QSOX2: variants seen among roughly 807,000 people sequenced by gnomAD.
QSOX2 encodes the protein quiescin sulfhydryl oxidase 2, also known as sulfhydryl oxidase 2.
Under a neutral mutation model 61.7 loss-of-function variants are expected in QSOX2, and 46 were observed. The observed-to-expected ratio is 0.75, with a 90% CI of 0.59 to 0.95. The LOEUF is 0.95. Among genes scored for constraint, QSOX2 ranks in the 40% least tolerant of loss-of-function variants. The pLI, the probability that QSOX2 is intolerant of heterozygous loss-of-function variation, is 0.00. For missense variants in QSOX2, 879 were observed against 918.9 expected, an observed-to-expected ratio of 0.96 and a Z score of 0.56; for synonymous variants, 383 against 388.4, an observed-to-expected ratio of 0.99 and a Z score of 0.16.
At position 136,220,844 on chromosome 9, in the gene QSOX2, G is replaced by A. The variant is rs185804122; in HGVS notation, c.821+952C>T. 9.4e-4 allele frequency among the ~76,000 whole-genome samples: 143 copies of A among 152,198 alleles called. 2 individuals carry two copies. In the East Asian group the frequency reaches 0.014, roughly 15 times the overall value. On this transcript the variant is annotated intron_variant, in intron 6 of 11. Transcript: ENST00000358701. ...TCCCACCTCAGCCTCCTGAGTAGCT[G>A]GGACTACAGTGGCACACCACCAGAC...
chr9:136,211,183 G>T, intron 11 of QSOX2, 81 bp downstream of exon 11: 1 of 1,454,776 alleles, frequency 6.9e-7, no homozygotes, highest in Non-Finnish European at 9.4e-7. Flanking sequence ...AAGCCCCACG[G>T]CAGCCGTGCC....
rs915403486 is a variant in QSOX2, at chr9:136,222,494, T to C, written c.676-553A>G. On this transcript the variant is annotated intron_variant, in intron 5 of 11. Transcript: ENST00000358701. The surrounding 1 kb of genome is among the most constrained non-coding windows in gnomAD (Gnocchi z 6.9). The stretch of plus-strand genomic sequence containing the variant: ...GCCACCACCACATCGGGCGTACGTC[T>C]TTCCTTCTCTTAACAGAGGAACAAA... 6.6e-6 allele frequency among the ~76,000 whole-genome samples: 1 copy of C among 152,180 alleles called. No individual in the cohort carries two copies. Among genetic ancestry groups the C allele is most frequent in the African/African-American group, 2.4e-5 (1 of 41,446 alleles).
At chr9:136,245,258 T>C (rs1215339400) in intron 1 of QSOX2, among the ~76,000 whole-genome samples, 1 of 152,080 alleles carries the variant, frequency 6.6e-6, no homozygotes, top group African/African-American at 2.4e-5. Context: ...GGGGATTAAC[T>C]GGGAGAGACA....
chr9:136,209,673 C>A lies in QSOX2; in HGVS notation c.1550-398G>T. The A allele has an allele frequency of 1.0e-6, 1 of 985,142 alleles. No homozygotes were observed. Among genetic ancestry groups the A allele is most frequent in the Non-Finnish European group, 1.2e-6 (1 of 829,818 alleles). The allele number at this position is 985,142 out of a possible 1,614,324, so 61.0% of individuals were successfully genotyped here. ...TGTGTGCCCCTCCCCCCACTGCTGC[C>A]CCTCTGCCCTTTCCTGAGGGTGCAC... On this transcript the variant is annotated intron_variant, in intron 11 of 11. Transcript: ENST00000358701. This position sits in a 1 kb window ranked among gnomAD's most constrained non-coding sequence, Gnocchi z 5.6.
At chr9:136,230,552 C>G (rs1830320761) in intron 1 of QSOX2, among the ~76,000 whole-genome samples, 1 of 152,240 alleles carries the variant, frequency 6.6e-6, no homozygotes, top group South Asian at 2.1e-4. Flanking sequence ...AGCCTCAGTA[C>G]TCGGCCTCCG....
chr9:136,223,389 TGA>T lies in QSOX2; in HGVS notation c.675+372_675+373del, dbSNP rs980168571. The stretch of plus-strand genomic sequence containing the variant: ...AGAATCTTGGATTTGGCAAAAATGT[TGA>T]GAGTTCAGAATACGGCAACGAAAAA... On this transcript the variant is annotated intron_variant, in intron 5 of 11. Coordinates refer to ENST00000358701, the MANE Select transcript of QSOX2 (RefSeq NM_181701.4). The surrounding 1 kb of genome is among the most constrained non-coding windows in gnomAD (Gnocchi z 4.4). 1.3e-5 allele frequency among the ~76,000 whole-genome samples: 2 copies of T among 152,108 alleles called. No individual in the cohort carries two copies. The highest frequency in any genetic ancestry group is 4.8e-5 in the African/African-American group (2 of 41,404).
chr9:136,224,544 C>T (rs960516422), intron 3 of QSOX2, among the ~76,000 whole-genome samples: 2 of 152,154 alleles, frequency 1.3e-5, no homozygotes, highest in Admixed American at 6.5e-5. Flanking sequence ...GGGCGATGCT[C>T]GGCTGGGTGG....
At chr9:136,239,484 A>T (rs1343444494) in intron 1 of QSOX2, among the ~76,000 whole-genome samples, 1 of 152,074 alleles carries the variant, frequency 6.6e-6, no homozygotes, top group African/African-American at 2.4e-5. Context: ...ACTCCCTCTA[A>T]AGCACAGGCT....
chr9:136,237,648 T>C (rs1396672241), intron 1 of QSOX2, among the ~76,000 whole-genome samples: 102 of 57,434 alleles, frequency 1.8e-3, no homozygotes, highest in Non-Finnish European at 2.1e-3. Flanking sequence ...TCCTGTGCCA[T>C]ACCTGGAGCC....
In QSOX2 at chr9:136,223,842, A is replaced by T; in HGVS notation, c.596T>A (p.Val199Asp). The T allele has an allele frequency of 6.2e-7, 1 of 1,614,086 alleles. No homozygotes were observed. The highest frequency in any genetic ancestry group is 8.5e-7 in the Non-Finnish European group (1 of 1,180,008). ...PRLDPIQPSD[V>D]LSLLDNRGSH... ...GCCACGGTTGTCAAGAAGGGAAAGAACATCACTGGGCCTTTCAAGAGGAAA... is the reference window on the plus strand; with the variant it reads ...GCCACGGTTGTCAAGAAGGGAAAGATCATCACTGGGCCTTTCAAGAGGAAA... The change falls in exon 5 of 12, where the codon GTT (valine) becomes GAT (aspartate). Residue 199 changes from valine (V) to aspartate (D), a missense_variant. Physicochemically the swap from Val to Asp is radical, Grantham distance 152. Transcript: ENST00000358701. The surrounding 1 kb of genome is among the most constrained non-coding windows in gnomAD (Gnocchi z 4.4).
At chr9:136,224,150 G>A in intron 3 of QSOX2, 38 bp from the exon 4 acceptor site, 2 of 1,537,122 alleles carry the variant, frequency 1.3e-6, no homozygotes, top group Non-Finnish European at 1.8e-6. Flanking sequence ...TGTGTGTGCG[G>A]CTGTCCTCGT....
In QSOX2 at chr9:136,208,372, GGAGGAA is replaced by G. The variant is rs901434173; in HGVS notation, c.*350_*355del. On this transcript the variant is annotated 3_prime_UTR_variant, in exon 12 of 12. Coordinates refer to ENST00000358701, the MANE Select transcript of QSOX2 (RefSeq NM_181701.4). ...AAGGCCCTGCAGGATGGGGCGGAGT[GGAGGAA>G]ACGAGATGAAAGTGTGTGGGGAAGA... The G allele has an allele frequency of 4.6e-5, 8 of 173,032 alleles. No homozygotes were observed. Among genetic ancestry groups the G allele is most frequent in the Admixed American group, 2.6e-4 (4 of 15,642 alleles). The allele number at this position is 173,032 out of a possible 1,614,324, so 10.7% of individuals were successfully genotyped here. A position where few individuals can be genotyped will look rare whatever the true frequency, so the allele number is the denominator to read the frequency against.
rs1830465150 is a variant in QSOX2 at position 136,245,485 on chromosome 9, C to A, written c.319G>T (p.Asp107Tyr). The A allele has an allele frequency of 1.3e-6, 2 of 1,591,960 alleles. No homozygotes were observed. The highest frequency in any genetic ancestry group is 4.5e-5 in the East Asian group (2 of 44,088). ...YAPTWRALAG[D>Y]VRDWASAIRV... ...CGGGGGCGCGCCTCACCTCGCACATCCCCAGCCAGGGCCCGCCAAGTGGGC... is the reference window on the plus strand; with the variant it reads ...CGGGGGCGCGCCTCACCTCGCACATACCCAGCCAGGGCCCGCCAAGTGGGC... The change falls in exon 1 of 12, where the codon GAT becomes TAT. Residue 107 changes from aspartate to tyrosine, a missense_variant. Transcript: ENST00000358701.
Position 136,224,127 on chromosome 9 carries a change from C to A in QSOX2, c.479-15G>T, listed in dbSNP as rs760009816. 1.6e-5 allele frequency: 25 copies of A among 1,605,190 alleles called. No individual in the cohort carries two copies. Among genetic ancestry groups the A allele is most frequent in the Non-Finnish European group, 2.0e-5 (24 of 1,172,902 alleles). On this transcript the variant is annotated splice_polypyrimidine_tract_variant and intron_variant, in intron 3 of 11. Coordinates refer to ENST00000358701, the MANE Select transcript of QSOX2 (RefSeq NM_181701.4). ...TCGGTCAGGTCCTGCCGGAAGCACA[C>A]CAGGGTCAGAGCTGTGTGTGCGGCT...
Position 136,223,952 on chromosome 9 carries a change from T to C in QSOX2, c.584+55A>G. The C allele has an allele frequency of 1.3e-6, 2 of 1,579,986 alleles. No homozygotes were observed. Among genetic ancestry groups the C allele is most frequent in the Admixed American group, 3.3e-5 (2 of 59,760 alleles). On this transcript the variant is annotated intron_variant, in intron 4 of 11. Coordinates refer to ENST00000358701, the MANE Select transcript of QSOX2 (RefSeq NM_181701.4). This position sits in a 1 kb window ranked among gnomAD's most constrained non-coding sequence, Gnocchi z 4.4. ...ATCACTTAATAGAAACCTATTACGT[T>C]TCTTGCACAGTTCAACACGAGTCTA...
intron 1 of QSOX2, among the ~76,000 whole-genome samples, 168 bp from the exon 2 acceptor site, chr9:136,227,042 G>A (rs1255508122): frequency 6.6e-6 from 1 of 152,144 alleles, no homozygotes; most frequent in East Asian, 1.9e-4. Context: ...GTGGAGCTAG[G>A]AGAGAGAACT....
Position 136,208,527 on chromosome 9 carries a change from C to A in QSOX2, c.*201G>T, listed in dbSNP as rs1831803745. 1.7e-6 allele frequency: 1 copy of A among 589,138 alleles called. No homozygotes were observed. The highest frequency in any genetic ancestry group is 2.7e-5 in the South Asian group (1 of 37,670). The allele number at this position is 589,138 out of a possible 1,614,324, so 36.5% of individuals were successfully genotyped here. On this transcript the variant is annotated 3_prime_UTR_variant, in exon 12 of 12. Transcript: ENST00000358701. Reference sequence around the variant, plus strand: ...TTGAGTACGCCAGGAATGCAAATATCCCCACAAAATTACCCCGTGTTCTTC... The same window carrying A: ...TTGAGTACGCCAGGAATGCAAATATACCCACAAAATTACCCCGTGTTCTTC...
rs774453898 is a variant in QSOX2, at chr9:136,223,749, C to T, written c.675+14G>A. On this transcript the variant is annotated intron_variant, in intron 5 of 11. Transcript: ENST00000358701. This position sits in a 1 kb window ranked among gnomAD's most constrained non-coding sequence, Gnocchi z 4.4. ...CACCACGTGTGACACCTGGAGCCCA[C>T]GCAGAGGCCGTACCTCCCGTCCAAG... 9.3e-6 allele frequency: 15 copies of T among 1,610,686 alleles called. No individual in the cohort carries two copies. The highest frequency in any genetic ancestry group is 6.7e-5 in the Admixed American group (4 of 59,856).
In QSOX2 at chr9:136,216,709, C is replaced by T. The variant is rs746326285; in HGVS notation, c.1100G>A (p.Arg367Gln). ...CTCCAACAGCTTCTTGACTGGCGGC[C>T]GTCCAGGGAACAGCTGCATGAGGAA... ...VTVLAKLFPG[R>Q]PPVKKLLEML... Residue 367 changes from arginine to glutamine, a missense_variant, in exon 9 of 12, where the codon CGG becomes CAG. Physicochemically the swap from Arg to Gln is conservative, Grantham distance 43. Transcript: ENST00000358701. The T allele has an allele frequency of 3.7e-6, 6 of 1,613,484 alleles. No homozygotes were observed. The highest frequency in any genetic ancestry group is 3.3e-5 in the South Asian group (3 of 91,068).
Sources: allele counts gnomAD v4.1 joint callset (sites outside exome capture counted in the v4.1 genomes callset), GRCh38; gene constraint gnomAD v4.1.1; non-coding constraint Gnocchi (gnomAD v3.1); transcripts MANE v1.5; gene names NCBI Gene and HGNC (gene_info 2026-07-23, HGNC 2026-07-21).